Variants in GSE1 observed in about 807,000 individuals in gnomAD.
GSE1 encodes Gse1 coiled-coil protein, also known as genetic suppressor element 1.
GSE1 carries 32 observed loss-of-function variants against 112.6 expected under a neutral mutation model. The ratio of observed to expected loss-of-function variants is 0.28; its 90% confidence interval spans 0.21 to 0.38. GSE1 has a LOEUF of 0.38. Among genes scored for constraint, GSE1 ranks in the 10% least tolerant of loss-of-function variants. GSE1 has a pLI of 1.00. For synonymous variants in GSE1, 1,115 were observed against 735.6 expected (o/e 1.52, Z -8.35); for missense variants, 2,348 against 1,699.2 (o/e 1.38, Z -6.71).
intron 1 of GSE1, among the ~76,000 whole-genome samples, chr16:85,235,541 G>C (rs1452393607): frequency 6.9e-6 from 1 of 144,976 alleles, no homozygotes; most frequent in East Asian, 2.1e-4. Context: ...ACCTGGATGA[G>C]GGGGTGATAA....
chr16:85,665,099 C>T lies in GSE1; in HGVS notation c.2729C>T (p.Pro910Leu), dbSNP rs1443176629. ...GTGGCCGACTCCTTGACAAACTCTC[C>T]GAGGGACAGTCCTGCCGTCTCCCTG... ...AAVADSLTNS[P>L]RDSPAVSLSE... Residue 910 changes from proline to leucine, a missense_variant, in exon 12 of 16, where the codon CCG (proline) becomes CTG (leucine). Transcript: ENST00000253458. The T allele has an allele frequency of 1.2e-5, 20 of 1,609,460 alleles. No homozygotes were observed. Among genetic ancestry groups the T allele is most frequent in the East Asian group, 4.5e-5 (2 of 44,876 alleles).
At chr16:85,642,413 G>A (rs958303580) in intron 2 of GSE1, among the ~76,000 whole-genome samples, 1 of 152,226 alleles carries the variant, frequency 6.6e-6, no homozygotes, top group African/African-American at 2.4e-5. Flanking sequence ...GGGTCCCCTG[G>A]GTTCCCACCC....
chr16:85,655,023 G>T, intron 5 of GSE1, 32 bp downstream of exon 5: 1 of 1,369,260 alleles, frequency 7.3e-7, no homozygotes, highest in Non-Finnish European at 1.0e-6. Context: ...CTCTCGTCTA[G>T]GTGCTGGCCT....
chr16:85,303,678 C>A (rs376384731), intron 1 of GSE1, among the ~76,000 whole-genome samples: 1 of 152,238 alleles, frequency 6.6e-6, no homozygotes, highest in African/African-American at 2.4e-5. Flanking sequence ...GGAAACACGG[C>A]GGTGCGGGCA....
At chr16:85,241,649 C>G (rs562929531) in intron 1 of GSE1, among the ~76,000 whole-genome samples, 38 of 152,286 alleles carry the variant, frequency 2.5e-4, no homozygotes, top group African/African-American at 8.7e-4. Context: ...AGTAAGCCAC[C>G]GAACAGGGAT....
At chr16:85,325,192 C>T (rs2046200161) in intron 1 of GSE1, among the ~76,000 whole-genome samples, 1 of 151,996 alleles carries the variant, frequency 6.6e-6, no homozygotes, top group Non-Finnish European at 1.5e-5. Context: ...TGGTCTCGAA[C>T]TGCTAGCCCC....
At chr16:85,461,284 C>G (rs779412326) in intron 2 of GSE1, among the ~76,000 whole-genome samples, 5 of 152,224 alleles carry the variant, frequency 3.3e-5, no homozygotes, top group Non-Finnish European at 7.4e-5. Context: ...GTGCCAGCAG[C>G]GCTGTGACCC....
intron 2 of GSE1, among the ~76,000 whole-genome samples, chr16:85,454,823 G>A (rs1232886908): frequency 6.6e-6 from 1 of 152,078 alleles, no homozygotes; most frequent in Non-Finnish European, 1.5e-5. Context: ...TTCTTAGAAC[G>A]GCACTCCTCC....
intron 1 of GSE1, among the ~76,000 whole-genome samples, chr16:85,221,330 A>G (rs1209243953): frequency 6.8e-6 from 1 of 147,910 alleles, no homozygotes; most frequent in Non-Finnish European, 1.5e-5. Context: ...ACACACACAC[A>G]CACACCCCAA....
intron 2 of GSE1, among the ~76,000 whole-genome samples, chr16:85,410,853 C>T (rs2048509652): frequency 1.2e-5 from 1 of 83,208 alleles, no homozygotes; most frequent in African/African-American, 9.3e-5. Flanking sequence ...TCTCAGGCCC[C>T]CCGGATAATC....
intron 9 of GSE1, chr16:85,662,246 T>G (rs1014597635): frequency 6.5e-6 from 1 of 153,764 alleles, no homozygotes; most frequent in African/African-American, 2.6e-5. Flanking sequence ...TTCTTATTTC[T>G]GCTTGGGGGT....
upstream of GSE1, among the ~76,000 whole-genome samples, chr16:85,606,589 A>T (rs1414972690): frequency 6.6e-6 from 1 of 152,150 alleles, no homozygotes; most frequent in Non-Finnish European, 1.5e-5. Context: ...CTTCTGGGTG[A>T]CCCGGGAGAG....
At chr16:85,503,046 G>C (rs3924117) in intron 2 of GSE1, among the ~76,000 whole-genome samples, 52,834 of 152,108 alleles carry the variant, frequency 0.35, 10,887 homozygotes, top group African/African-American at 0.56. Flanking sequence ...TGTATTTGAG[G>C]AAAGACAGTG....
intron 1 of GSE1, among the ~76,000 whole-genome samples, chr16:85,331,365 GTATATATGTA>G (rs1198575695): frequency 5.9e-5 from 6 of 101,144 alleles, no homozygotes; most frequent in Non-Finnish European, 1.3e-4. Context: ...GTGTGTGTGT[GTATATATGTA>G]TATATATGTA....
In GSE1 at chr16:85,475,707, G is replaced by A. The variant is rs201478337; in HGVS notation, c.2464+118064G>A. ...GGGGCCCTCTCCAGAGGGAACTGGA[G>A]CATCTTGCTTGTACTGGGAAGAAAG... is the stretch of plus-strand genomic sequence containing the variant. On this transcript the variant is annotated intron_variant, in intron 2 of 2. Transcript: ENST00000637419. Among the ~76,000 whole-genome samples the A allele has an allele frequency of 4.6e-5, 7 of 152,300 alleles. No individual in the cohort carries two copies. The East Asian group carries it at 1.4e-3, about 29-fold the overall frequency.
chr16:85,614,622 C>T (rs1052824373), intron 1 of GSE1, among the ~76,000 whole-genome samples: 1 of 152,186 alleles, frequency 6.6e-6, no homozygotes, highest in African/African-American at 2.4e-5. Context: ...GTCTGAGTTC[C>T]GAGGGCAGCG....
chr16:85,578,442 G>C (rs2046320546), intron 1 of GSE1, among the ~76,000 whole-genome samples: 1 of 152,216 alleles, frequency 6.6e-6, no homozygotes, highest in Non-Finnish European at 1.5e-5. Context: ...GGGCAGCTAA[G>C]GCTCAGAGAG....
chr16:85,170,162 G>A lies in GSE1; in HGVS notation c.638G>A (p.Trp213Ter), dbSNP rs1462682226. Residue 213 changes from tryptophan to a stop codon, truncating the protein, a stop_gained, in exon 1 of 3, where the codon TGG becomes TAG. Coordinates refer to the GSE1 transcript ENST00000637419. LOFTEE classifies it high-confidence loss of function. ...CCTCGCGGGGGGCGCGGCCAGGAGTGGAGGCCGGCTCCGGGACCCGCTCCG... is the reference window on the plus strand; with the variant it reads ...CCTCGCGGGGGGCGCGGCCAGGAGTAGAGGCCGGCTCCGGGACCCGCTCCG... 1.0e-6 allele frequency: 1 copy of A among 985,244 alleles called. No homozygotes were observed. Among genetic ancestry groups the A allele is most frequent in the African/African-American group, 1.7e-5 (1 of 57,190 alleles). The allele number at this position is 985,244 out of a possible 1,614,324, so 61.0% of individuals were successfully genotyped here.
At chr16:85,312,320 C>T (rs1182610510) in intron 1 of GSE1, among the ~76,000 whole-genome samples, 2 of 150,780 alleles carry the variant, frequency 1.3e-5, no homozygotes, top group African/African-American at 2.5e-5. Context: ...CACTTTTTCA[C>T]GGTTCTGCAG....
Sources: allele counts gnomAD v4.1 joint callset (sites outside exome capture counted in the v4.1 genomes callset), GRCh38; gene constraint gnomAD v4.1.1; transcripts MANE v1.5; gene names NCBI Gene and HGNC (gene_info 2026-07-23, HGNC 2026-07-21).